PHF24: variants seen among roughly 807,000 people sequenced by gnomAD.
The protein encoded by PHF24 is Galpha inhibitory interacting protein.
A neutral mutation model predicts 42.6 loss-of-function variants in PHF24; 25 were observed. The ratio of observed to expected loss-of-function variants is 0.59; its 90% CI spans 0.43 to 0.82. PHF24 has a LOEUF of 0.82. Ranked by LOEUF, PHF24 falls within the 40% of genes least tolerant of loss-of-function variation. The pLI is 0.00. For synonymous variants in PHF24, 185 were observed against 204.8 expected, an observed-to-expected ratio of 0.90 and a Z score of 0.83; for missense variants, 470 against 538.1, an observed-to-expected ratio of 0.87 and a Z score of 1.25.
chr9:34,897,368 G>A, the PHF24 span, among the ~76,000 whole-genome samples: 4 of 152,154 alleles, frequency 2.6e-5, no homozygotes, highest in African/African-American at 7.2e-5. Flanking sequence ...AGAAGCAAAA[G>A]CCAACATTTT....
intron 1 of PHF24, among the ~76,000 whole-genome samples, chr9:34,962,064 A>G (rs113801735): frequency 3.0e-4 from 45 of 152,332 alleles, no homozygotes; most frequent in African/African-American, 1.0e-3. Context: ...AGGCCAAACA[A>G]TGCACTCACT....
At chr9:34,837,250 T>A in the PHF24 span, 1 of 390,354 alleles carries the variant, frequency 2.6e-6, no homozygotes, top group Non-Finnish European at 5.1e-6. Flanking sequence ...TTATAAATGC[T>A]TTAAGGCCTT....
At chr9:34,777,472 A>G in the PHF24 span, among the ~76,000 whole-genome samples, 1 of 152,128 alleles carries the variant, frequency 6.6e-6, no homozygotes. Context: ...GGGCGAGGGC[A>G]GTGAAGTTGG....
the PHF24 span, among the ~76,000 whole-genome samples, chr9:34,682,764 T>C: frequency 1.3e-5 from 2 of 152,114 alleles, no homozygotes; most frequent in East Asian, 1.9e-4. Context: ...TTGCTAATCA[T>C]AGGACTGTGA....
chr9:34,808,144 T>C, the PHF24 span, among the ~76,000 whole-genome samples: 5 of 152,196 alleles, frequency 3.3e-5, no homozygotes, highest in Non-Finnish European at 7.3e-5. Flanking sequence ...AGATTCCACA[T>C]ATTAAGTTAT....
At chr9:34,671,296 A>G in the PHF24 span, among the ~76,000 whole-genome samples, 3 of 152,194 alleles carry the variant, frequency 2.0e-5, no homozygotes, top group Non-Finnish European at 2.9e-5. Flanking sequence ...CTGGTTGCCA[A>G]TTTGTCTGAG....
the PHF24 span, chr9:34,727,924 C>T: frequency 1.8e-6 from 2 of 1,141,482 alleles, no homozygotes; most frequent in Non-Finnish European, 2.5e-6. Context: ...GTCTCCCTCC[C>T]AGCCATTATC....
chr9:34,852,323 A>G, the PHF24 span, among the ~76,000 whole-genome samples: 2 of 152,144 alleles, frequency 1.3e-5, no homozygotes, highest in Non-Finnish European at 2.9e-5. Flanking sequence ...TTATATGCAG[A>G]TTTTCAACTG....
At chr9:34,719,792 A>T in the PHF24 span, among the ~76,000 whole-genome samples, 6,192 of 151,554 alleles carry the variant, frequency 0.041, 428 homozygotes, top group African/African-American at 0.14. Context: ...TGCCTGCCCC[A>T]CTCCCACCAG....
the PHF24 span, among the ~76,000 whole-genome samples, chr9:34,781,335 A>G: frequency 6.6e-6 from 1 of 152,356 alleles, no homozygotes; most frequent in South Asian, 2.1e-4. Context: ...ACTAAGTGAA[A>G]TAAGTCAAAC....
At chr9:34,861,066 GAGA>G in the PHF24 span, among the ~76,000 whole-genome samples, 2 of 152,178 alleles carry the variant, frequency 1.3e-5, no homozygotes, top group Non-Finnish European at 2.9e-5. Context: ...GGAGTTTTCA[GAGA>G]AGGTTACCTG....
the PHF24 span, among the ~76,000 whole-genome samples, chr9:34,696,710 G>C: frequency 0.044 from 6,727 of 152,218 alleles, 233 homozygotes; most frequent in South Asian, 0.064. Flanking sequence ...CATTTGAGCA[G>C]AGATGAACAA....
chr9:34,772,406 C>A, the PHF24 span, among the ~76,000 whole-genome samples: 1 of 152,126 alleles, frequency 6.6e-6, no homozygotes, highest in Non-Finnish European at 1.5e-5. Flanking sequence ...AAACTGGAAA[C>A]AACCTACGTG....
chr9:34,694,150 A>G, the PHF24 span, among the ~76,000 whole-genome samples: 4 of 120,310 alleles, frequency 3.3e-5, no homozygotes, highest in African/African-American at 1.2e-4. Context: ...CCACGGGTCT[A>G]TCTCTATTCT....
At chr9:34,753,197 G>T in the PHF24 span, among the ~76,000 whole-genome samples, 26 of 151,990 alleles carry the variant, frequency 1.7e-4, no homozygotes, top group African/African-American at 5.8e-4. Context: ...GAAACAAAGG[G>T]CAAAAACATC....
At chr9:34,953,091 G>A (rs1392591171), upstream of PHF24, among the ~76,000 whole-genome samples, 1 of 152,208 alleles carries the variant, frequency 6.6e-6, no homozygotes, top group African/African-American at 2.4e-5. This position sits in a 1 kb window ranked among gnomAD's most constrained non-coding sequence, Gnocchi z 4.1. Flanking sequence ...GACACTGAGG[G>A]CACAACCCAT....
chr9:34,977,565 A>G (rs748397287), exon 7 of PHF24: 29 of 1,609,340 alleles, frequency 1.8e-5, no homozygotes, highest in South Asian at 1.8e-4. Flanking sequence ...TGTGGGTCCC[A>G]TCGCAGATAG....
the PHF24 span, chr9:34,709,589 T>C: frequency 6.2e-7 from 1 of 1,614,176 alleles, no homozygotes; most frequent in Non-Finnish European, 8.5e-7. Context: ...TCTGTGGGGA[T>C]GGTGTCTTGT....
At chr9:34,979,221 G>A (rs1050523003) in exon 8 of PHF24, 1 of 152,114 alleles carries the variant, frequency 6.6e-6, no homozygotes, top group Admixed American at 6.6e-5. Context: ...GGCTTAAGAA[G>A]AGGCTCTGCA....
Sources: allele counts gnomAD v4.1 joint callset (sites outside exome capture counted in the v4.1 genomes callset), GRCh38; gene constraint gnomAD v4.1.1; non-coding constraint Gnocchi (gnomAD v3.1); transcripts MANE v1.5; gene names NCBI Gene and HGNC (gene_info 2026-07-23, HGNC 2026-07-21).